DIS3L2: variants seen among roughly 807,000 people sequenced by gnomAD.
The protein encoded by DIS3L2 is DIS3 like 3'-5' exoribonuclease 2, also known as DIS3-like exonuclease 2.
Under a neutral mutation model 97.5 loss-of-function variants are expected in DIS3L2, and 34 were observed. The observed-to-expected ratio is 0.35, with a 90% CI of 0.27 to 0.46. DIS3L2 has a LOEUF of 0.46. Ranked by LOEUF, DIS3L2 falls within the 20% of genes least tolerant of loss-of-function variation. The probability of loss-of-function intolerance (pLI) is 1.00; values close to 1 mark genes in which losing one functional copy is unlikely to be tolerated. For missense variants in DIS3L2, 1,038 were observed against 1,146.0 expected, an observed-to-expected ratio of 0.91 and a Z score of 1.36; for synonymous variants, 435 against 445.2, an observed-to-expected ratio of 0.98 and a Z score of 0.29.
At chr2:232,083,140 A>G (rs1696454992) in intron 5 of DIS3L2, among the ~76,000 whole-genome samples, 1 of 151,680 alleles carries the variant, frequency 6.6e-6, no homozygotes, top group East Asian at 2.0e-4. Context: ...GCTACAAGTC[A>G]AGATGAGATT....
chr2:232,164,728 T>TA (rs1339521909), intron 9 of DIS3L2, among the ~76,000 whole-genome samples: 1 of 152,184 alleles, frequency 6.6e-6, no homozygotes, highest in African/African-American at 2.4e-5. Flanking sequence ...GAACACATAT[T>TA]ACATTTGAAG....
chr2:232,025,678 G>T lies in DIS3L2; in HGVS notation c.264+1348G>T, dbSNP rs554147746. 3.4e-4 allele frequency among the ~76,000 whole-genome samples: 52 copies of T among 152,264 alleles called. 1 individual carries two copies. The highest frequency in any genetic ancestry group is 1.1e-3 in the African/African-American group (46 of 41,548). On this transcript the variant is annotated intron_variant, in intron 4 of 20. Coordinates refer to ENST00000325385, the MANE Select transcript of DIS3L2 (RefSeq NM_152383.5). Reference sequence around the variant, plus strand: ...AACAGTTCTCACATGTACGAGAAGTGCAGTTTACATATGTGTTAGTTTCCA... The same window carrying T: ...AACAGTTCTCACATGTACGAGAAGTTCAGTTTACATATGTGTTAGTTTCCA...
chr2:232,111,070 A>C (rs1697512968), intron 6 of DIS3L2: 9 of 376,546 alleles, frequency 2.4e-5, no homozygotes, highest in South Asian at 1.9e-4. Context: ...TTAATGATAG[A>C]TGTAGTTGTT....
chr2:232,157,099 T>G (rs1690514117), intron 8 of DIS3L2, among the ~76,000 whole-genome samples: 1 of 152,096 alleles, frequency 6.6e-6, no homozygotes, highest in African/African-American at 2.4e-5. Flanking sequence ...TAAGTTTTTT[T>G]TGGGAAGGAA....
chr2:232,334,172 T>C (rs1387827219), intron 17 of DIS3L2, among the ~76,000 whole-genome samples, 185 bp downstream of exon 17: 2 of 152,128 alleles, frequency 1.3e-5, no homozygotes, highest in African/African-American at 4.8e-5. Context: ...AGAAGCTGCA[T>C]GGAGCCCACA....
At chr2:232,120,751 C>T (rs1181305572) in intron 6 of DIS3L2, among the ~76,000 whole-genome samples, 1 of 152,178 alleles carries the variant, frequency 6.6e-6, no homozygotes, top group African/African-American at 2.4e-5. Context: ...TTGTGATCCC[C>T]TGCAGCTTAC....
At chr2:232,095,574 T>G (rs115586797) in intron 6 of DIS3L2, among the ~76,000 whole-genome samples, 2,384 of 152,308 alleles carry the variant, frequency 0.016, 66 homozygotes, top group African/African-American at 0.055. Context: ...ATCTTTCTAT[T>G]TAAGGTAAGA....
chr2:232,317,396 CCT>C, intron 14 of DIS3L2, among the ~76,000 whole-genome samples: 1 of 152,148 alleles, frequency 6.6e-6, no homozygotes, highest in Non-Finnish European at 1.5e-5. Context: ...GCTCTTTTTT[CCT>C]CTCATGTTCT....
intron 10 of DIS3L2, among the ~76,000 whole-genome samples, chr2:232,233,897 T>A (rs1393485441): frequency 6.6e-6 from 1 of 152,220 alleles, no homozygotes. Flanking sequence ...CAGGCCCTGC[T>A]ACAAGTGGTT....
chr2:232,246,405 C>T (rs1435948574), intron 11 of DIS3L2, among the ~76,000 whole-genome samples: 1 of 152,194 alleles, frequency 6.6e-6, no homozygotes, highest in Non-Finnish European at 1.5e-5. Flanking sequence ...AGTGGGAAGG[C>T]CCATGTGACT....
chr2:232,233,528 A>G (rs371557472), intron 10 of DIS3L2, among the ~76,000 whole-genome samples: 173 of 152,302 alleles, frequency 1.1e-3, no homozygotes, highest in African/African-American at 3.9e-3. Flanking sequence ...TGGGGGGAGC[A>G]AATATCTATC....
intron 1 of DIS3L2, among the ~76,000 whole-genome samples, chr2:231,986,038 G>A (rs184583070): frequency 1.3e-5 from 2 of 152,338 alleles, no homozygotes; most frequent in East Asian, 3.9e-4. Context: ...GGATGCTTCA[G>A]TCCGCTCCTG....
intron 9 of DIS3L2, among the ~76,000 whole-genome samples, chr2:232,206,522 G>A (rs1692029295): frequency 6.6e-6 from 1 of 152,196 alleles, no homozygotes. Context: ...TCACAAAATA[G>A]TATTCTTCTT....
At chr2:232,156,409 C>T (rs73095654) in intron 8 of DIS3L2, among the ~76,000 whole-genome samples, 5 of 151,748 alleles carry the variant, frequency 3.3e-5, no homozygotes, top group Non-Finnish European at 7.4e-5. Context: ...TATCTTTGGT[C>T]ATTTCTGTGG....
intron 16 of DIS3L2, among the ~76,000 whole-genome samples, chr2:232,333,478 C>T (rs1183159283): frequency 6.6e-6 from 1 of 152,182 alleles, no homozygotes; most frequent in Non-Finnish European, 1.5e-5. Flanking sequence ...TCAGCTCGTG[C>T]CCCCTACCCT....
intron 3 of DIS3L2, among the ~76,000 whole-genome samples, chr2:232,018,473 G>C (rs1694417877): frequency 6.6e-6 from 1 of 152,104 alleles, no homozygotes; most frequent in African/African-American, 2.4e-5. Context: ...GATTTTCATA[G>C]GCAGAGAAAC....
intron 8 of DIS3L2, among the ~76,000 whole-genome samples, chr2:232,158,451 A>G (rs11678608): frequency 0.012 from 1,876 of 152,132 alleles, 17 homozygotes; most frequent in Non-Finnish European, 0.018. Context: ...CACCCTTTCA[A>G]TTTGTTTTTT....
intron 13 of DIS3L2, among the ~76,000 whole-genome samples, chr2:232,270,908 CTCTCTCT>C (rs1268660992): frequency 6.1e-5 from 8 of 130,554 alleles, no homozygotes; most frequent in African/African-American, 1.7e-4. Context: ...CTCTCTCTCT[CTCTCTCT>C]GTCTCGTCTC....
chr2:232,302,556 C>CTTT (rs10708239), intron 14 of DIS3L2, among the ~76,000 whole-genome samples: 3 of 140,464 alleles, frequency 2.1e-5, no homozygotes, highest in Non-Finnish European at 3.1e-5. Context: ...TCTTCTTCTT[C>CTTT]TTTTTTTTTT....
Sources: allele counts gnomAD v4.1 joint callset (sites outside exome capture counted in the v4.1 genomes callset), GRCh38; gene constraint gnomAD v4.1.1; transcripts MANE v1.5; gene names NCBI Gene and HGNC (gene_info 2026-07-23, HGNC 2026-07-21).